The following BCR variants were observed in gnomAD, a reference collection of about 807,000 sequenced individuals.
BCR encodes the protein breakpoint cluster region protein.
Under a neutral mutation model 138.6 loss-of-function variants are expected in BCR, and 58 were observed. The ratio of observed to expected loss-of-function variants is 0.42; its 90% CI spans 0.34 to 0.52. The LOEUF (loss-of-function observed/expected upper bound fraction) is 0.52. Among genes scored for constraint, BCR ranks in the 20% least tolerant of loss-of-function variants. The probability of loss-of-function intolerance (pLI) is 0.06; values close to 1 mark genes in which losing one functional copy is unlikely to be tolerated. For synonymous variants in BCR, 786 were observed against 730.1 expected (o/e 1.08, Z -1.23); for missense variants, 1,599 against 1,727.2 (o/e 0.93, Z 1.32).
At chr22:23,300,899 G>A (rs1409712188) in intron 16 of BCR, among the ~76,000 whole-genome samples, 2 of 152,258 alleles carry the variant, frequency 1.3e-5, no homozygotes, top group African/African-American at 4.8e-5. Context: ...CATGAGTTGT[G>A]AGCCCAGCAA....
At chr22:23,236,226 C>T (rs972913332) in intron 1 of BCR, among the ~76,000 whole-genome samples, 1 of 152,168 alleles carries the variant, frequency 6.6e-6, no homozygotes, top group African/African-American at 2.4e-5. Flanking sequence ...AGACAGGTTC[C>T]TCAAACCCCT....
chr22:23,199,015 A>T (rs1330909164), intron 1 of BCR, among the ~76,000 whole-genome samples: 1 of 152,058 alleles, frequency 6.6e-6, no homozygotes, highest in Non-Finnish European at 1.5e-5. Flanking sequence ...CCAGCTACTC[A>T]GGAGGCTGAG....
intron 1 of BCR, among the ~76,000 whole-genome samples, chr22:23,183,182 G>A (rs575060637): frequency 6.6e-6 from 1 of 152,320 alleles, no homozygotes; most frequent in South Asian, 2.1e-4. Context: ...TGGGTCATGG[G>A]ACTATGTTTT....
At chr22:23,243,529 C>G (rs1056585468) in intron 1 of BCR, among the ~76,000 whole-genome samples, 3 of 152,270 alleles carry the variant, frequency 2.0e-5, no homozygotes, top group Admixed American at 6.5e-5. Flanking sequence ...GAAGCTCCCC[C>G]ACAATACACA....
At position 23,263,181 on chromosome 22, in the gene BCR, T is replaced by TCAGCCGCCTGC. The variant is rs1480227443; in HGVS notation, c.1752+1643_1752+1653dup. Reference sequence around the variant, plus strand: ...GGAGGAGGAGGAGGCGGCTCGGGAGTCAGCCGCCTGCCCGGCTGCGGGGCC... The same window carrying TCAGCCGCCTGC: ...GGAGGAGGAGGAGGCGGCTCGGGAGTCAGCCGCCTGCCAGCCGCCTGCCCGGCTGCGGGGCC... On this transcript the variant is annotated intron_variant, in intron 4 of 22. Transcript: ENST00000305877. 6 of 836,968 alleles carry TCAGCCGCCTGC rather than the reference T, an allele frequency of 7.2e-6. No homozygotes were observed. The African/African-American group carries it at 8.7e-5, about 12-fold the overall frequency. The allele number at this position is 836,968 out of a possible 1,614,324, so 51.8% of individuals were successfully genotyped here. A position where few individuals can be genotyped will look rare whatever the true frequency, so the allele number is the denominator to read the frequency against.
intron 2 of BCR, among the ~76,000 whole-genome samples, chr22:23,255,695 C>T (rs1205958558): frequency 6.6e-6 from 1 of 152,202 alleles, no homozygotes. Context: ...CCCACCCACA[C>T]CTGGCTCTGA....
At chr22:23,313,369 T>C (rs1042672160) in intron 20 of BCR, among the ~76,000 whole-genome samples, 3 of 152,154 alleles carry the variant, frequency 2.0e-5, no homozygotes, top group African/African-American at 7.2e-5. Flanking sequence ...CAGCCAAGCA[T>C]GGTTTCAAAC....
At chr22:23,245,700 G>A (rs2073148798) in intron 1 of BCR, among the ~76,000 whole-genome samples, 1 of 152,188 alleles carries the variant, frequency 6.6e-6, no homozygotes, top group South Asian at 2.1e-4. Context: ...CTGAGGTTAT[G>A]GCCAGGCGGT....
chr22:23,209,711 T>A (rs1019229741), intron 1 of BCR, among the ~76,000 whole-genome samples: 2 of 151,944 alleles, frequency 1.3e-5, no homozygotes, highest in African/African-American at 4.8e-5. Flanking sequence ...ACCTGGCTAA[T>A]TTTTTGTATT....
rs952163301 is a variant in BCR, at chr22:23,219,999, A to G, written c.1280-33800A>G. On this transcript the variant is annotated intron_variant, in intron 1 of 22. Transcript: ENST00000305877. ...AGTCATCCTGTTACCATTGCTTCTG[A>G]CTCGAAGGACACGGCCCCTTGGGGC... is the stretch of plus-strand genomic sequence containing the variant. Among the ~76,000 whole-genome samples the G allele has an allele frequency of 7.2e-5, 11 of 152,036 alleles. No homozygotes were observed. The South Asian group carries it at 1.7e-3, about 23-fold the overall frequency.
intron 1 of BCR, among the ~76,000 whole-genome samples, chr22:23,237,598 C>T (rs2073041123): frequency 6.6e-6 from 1 of 152,226 alleles, no homozygotes; most frequent in Non-Finnish European, 1.5e-5. Flanking sequence ...GAGTTTGCAG[C>T]CCCAGGGGAG....
intron 1 of BCR, among the ~76,000 whole-genome samples, chr22:23,220,464 G>A (rs2072811742): frequency 6.6e-6 from 1 of 152,202 alleles, no homozygotes; most frequent in East Asian, 1.9e-4. Flanking sequence ...TTGCTTCCAG[G>A]TTGGGTTCAG....
At chr22:23,245,612 C>G (rs1237841023) in intron 1 of BCR, among the ~76,000 whole-genome samples, 1 of 152,102 alleles carries the variant, frequency 6.6e-6, no homozygotes, top group African/African-American at 2.4e-5. Flanking sequence ...AGCTGCCAGC[C>G]TGGCAGAGGA....
intron 8 of BCR, among the ~76,000 whole-genome samples, chr22:23,279,223 C>T (rs1188152037): frequency 6.6e-6 from 1 of 152,236 alleles, no homozygotes; most frequent in East Asian, 1.9e-4. Flanking sequence ...CCCTACCCTC[C>T]TCCTGGCATA....
At chr22:23,242,786 G>A (rs1378553993) in intron 1 of BCR, 1 of 445,688 alleles carries the variant, frequency 2.2e-6, no homozygotes, top group Non-Finnish European at 4.5e-6. Context: ...AAGCTTAGTG[G>A]CTTACAACAA....
chr22:23,182,113 A>T lies in BCR; in HGVS notation c.1153A>T (p.Thr385Ser). 1 of 1,611,920 alleles carries T rather than the reference A, an allele frequency of 6.2e-7. No homozygotes were observed. Residue 385 changes from threonine to serine, a missense_variant, in exon 1 of 23, where the codon ACG (threonine) becomes TCG (serine). Thr to Ser is a moderately conservative substitution (Grantham distance 58). This residue lies in a region of BCR where 806 missense variants were observed against 635.0 expected (regional missense o/e 1.27). Coordinates refer to ENST00000305877, the MANE Select transcript of BCR (RefSeq NM_004327.4). ...GTCCTTCGACAGCAGCAGTCCCCCC[A>T]CGCCGCAGTGCCATAAGCGGCACCG... ...QQSFDSSSPPTPQCHKRHRHC... is the reference protein window; with the variant it reads ...QQSFDSSSPPSPQCHKRHRHC...
At chr22:23,289,849 G>A (rs567933669) in intron 13 of BCR, 185 of 575,346 alleles carry the variant, frequency 3.2e-4, no homozygotes, top group Non-Finnish European at 5.0e-4. Flanking sequence ...GGAGATGCAC[G>A]GCTTCTGTTC....
At chr22:23,263,285 C>T in intron 4 of BCR, 1 of 1,140,766 alleles carries the variant, frequency 8.8e-7, no homozygotes, top group Non-Finnish European at 1.3e-6. Flanking sequence ...GCCGCCTGGC[C>T]CAGGTGTACC....
At chr22:23,205,341 T>C (rs991787812) in intron 1 of BCR, among the ~76,000 whole-genome samples, 3 of 152,210 alleles carry the variant, frequency 2.0e-5, no homozygotes, top group African/African-American at 7.2e-5. Flanking sequence ...TTGCATTTGG[T>C]GGGCCTGTCT....
Sources: allele counts gnomAD v4.1 joint callset (sites outside exome capture counted in the v4.1 genomes callset), GRCh38; gene constraint gnomAD v4.1.1; regional missense constraint gnomAD v4.1.1; transcripts MANE v1.5; gene names NCBI Gene and HGNC (gene_info 2026-07-23, HGNC 2026-07-21).